Variants in PTPRD observed in about 807,000 individuals in gnomAD.
PTPRD encodes protein tyrosine phosphatase receptor type D.
In PTPRD, 34 loss-of-function variants were observed where a neutral mutation model predicts 214.5. The ratio of observed to expected loss-of-function variants is 0.16; its 90% CI spans 0.12 to 0.21. PTPRD has a LOEUF of 0.21. Among genes scored for constraint, PTPRD ranks in the 10% least tolerant of loss-of-function variants. The pLI is 1.00. For missense variants in PTPRD, 2,545 were observed against 2,398.7 expected, an observed-to-expected ratio of 1.06 and a Z score of -1.27; for synonymous variants, 1,128 against 845.7, an observed-to-expected ratio of 1.33 and a Z score of -5.79.
intron 11 of PTPRD, among the ~76,000 whole-genome samples, chr9:8,819,496 A>G (rs548777856): frequency 7.2e-5 from 11 of 152,124 alleles, no homozygotes; most frequent in Non-Finnish European, 1.5e-4. Context: ...ACCCGTCTCT[A>G]ATAAAAATAC....
intron 10 of PTPRD, among the ~76,000 whole-genome samples, chr9:9,066,018 T>C (rs1220490352): frequency 6.6e-6 from 1 of 152,198 alleles, no homozygotes; most frequent in African/African-American, 2.4e-5. Flanking sequence ...GCTGTTGTTA[T>C]ACATGTGATT....
intron 5 of PTPRD, among the ~76,000 whole-genome samples, chr9:9,840,761 C>CAAAAAAAAAAAAAAAAAAAAAAAAA (rs59780411): frequency 1.6e-5 from 1 of 61,622 alleles, no homozygotes; most frequent in Non-Finnish European, 2.6e-5. Flanking sequence ...GACTCCGTTT[C>CAAAAAAAAAAAAAAAAAAAAAAAAA]AAAAAAAAAA....
intron 7 of PTPRD, among the ~76,000 whole-genome samples, chr9:9,634,374 T>C (rs1467977302): frequency 6.6e-6 from 1 of 152,182 alleles, no homozygotes; most frequent in Non-Finnish European, 1.5e-5. Flanking sequence ...TCATTGTTAA[T>C]ATTAATTGCA....
intron 12 of PTPRD, among the ~76,000 whole-genome samples, chr9:8,697,404 T>A (rs1206848460): frequency 6.7e-6 from 1 of 150,140 alleles, no homozygotes; most frequent in East Asian, 1.9e-4. Flanking sequence ...TATTATTTAT[T>A]TATTTTTATG....
At chr9:9,984,611 C>A (rs2095647272) in intron 4 of PTPRD, among the ~76,000 whole-genome samples, 1 of 152,128 alleles carries the variant, frequency 6.6e-6, no homozygotes, top group Non-Finnish European at 1.5e-5. Flanking sequence ...TGATGTCAGG[C>A]AAGCTATAGC....
At chr9:10,244,315 A>G (rs2091692399) in intron 3 of PTPRD, among the ~76,000 whole-genome samples, 1 of 152,094 alleles carries the variant, frequency 6.6e-6, no homozygotes, top group Non-Finnish European at 1.5e-5. Context: ...CCAAAAGCAG[A>G]GATATTGATT....
intron 3 of PTPRD, among the ~76,000 whole-genome samples, chr9:10,321,714 A>G (rs1371390531): frequency 6.6e-6 from 1 of 152,062 alleles, no homozygotes; most frequent in Admixed American, 6.6e-5. Context: ...ATATTTATGT[A>G]GGTCACATTT....
intron 10 of PTPRD, among the ~76,000 whole-genome samples, chr9:9,064,134 T>C (rs1455875115): frequency 6.6e-6 from 1 of 152,178 alleles, no homozygotes; most frequent in Non-Finnish European, 1.5e-5. Context: ...ATAATTTATA[T>C]AACTGAGCTT....
intron 9 of PTPRD, among the ~76,000 whole-genome samples, chr9:9,287,160 G>C (rs375637211): frequency 1.3e-5 from 2 of 151,248 alleles, no homozygotes; most frequent in Admixed American, 1.3e-4. Context: ...TGGAGCAGAA[G>C]GTTGCATTGA....
chr9:9,678,208 G>A (rs2096977025), intron 7 of PTPRD, among the ~76,000 whole-genome samples: 2 of 151,988 alleles, frequency 1.3e-5, no homozygotes, highest in South Asian at 4.1e-4. Context: ...CACAGAATTG[G>A]AAACAACTAC....
intron 7 of PTPRD, among the ~76,000 whole-genome samples, chr9:9,684,043 C>G (rs1595141367): frequency 6.6e-6 from 1 of 151,546 alleles, no homozygotes; most frequent in African/African-American, 2.4e-5. Context: ...CTCTAGGGAA[C>G]TGTTTTCACA....
chr9:10,042,171 A>C (rs2097307263), intron 3 of PTPRD, among the ~76,000 whole-genome samples: 1 of 151,980 alleles, frequency 6.6e-6, no homozygotes, highest in Non-Finnish European at 1.5e-5. Flanking sequence ...AGGCATATAA[A>C]AGATAAGAGC....
At chr9:9,216,661 G>C (rs893530760) in intron 9 of PTPRD, among the ~76,000 whole-genome samples, 6 of 152,034 alleles carry the variant, frequency 3.9e-5, no homozygotes, top group African/African-American at 1.4e-4. Context: ...TTCAGCTTGG[G>C]TCTAGAAAGA....
At chr9:8,323,053 GC>G (rs1439515049) in intron 44 of PTPRD, among the ~76,000 whole-genome samples, 2 of 152,136 alleles carry the variant, frequency 1.3e-5, no homozygotes, top group Non-Finnish European at 2.9e-5. Flanking sequence ...ATCAAGACAG[GC>G]TGAAAGCTCG....
At chr9:9,484,936 A>G (rs2095566483) in intron 8 of PTPRD, among the ~76,000 whole-genome samples, 1 of 152,210 alleles carries the variant, frequency 6.6e-6, no homozygotes, top group Non-Finnish European at 1.5e-5. Flanking sequence ...TTGGAAATTG[A>G]AAGCAAAAAC....
chr9:10,418,538 T>G (rs192449112), intron 2 of PTPRD, among the ~76,000 whole-genome samples: 79 of 150,522 alleles, frequency 5.2e-4, no homozygotes, highest in African/African-American at 1.9e-3. Flanking sequence ...TCCATAGCAT[T>G]TATCACCATC....
At chr9:8,992,658 G>C (rs571014108) in intron 11 of PTPRD, among the ~76,000 whole-genome samples, 1 of 152,186 alleles carries the variant, frequency 6.6e-6, no homozygotes, top group South Asian at 2.1e-4. Flanking sequence ...AACAAACTGT[G>C]CTCAAAAATC....
intron 35 of PTPRD, among the ~76,000 whole-genome samples, chr9:8,425,204 T>C (rs1291976260): frequency 6.6e-6 from 1 of 152,194 alleles, no homozygotes; most frequent in Non-Finnish European, 1.5e-5. Context: ...GGCAGCCTTG[T>C]TCCAATCTCT....
At chr9:10,181,743 G>A (rs117486066) in intron 3 of PTPRD, among the ~76,000 whole-genome samples, 3 of 150,710 alleles carry the variant, frequency 2.0e-5, no homozygotes, top group African/African-American at 7.3e-5. Flanking sequence ...TTAGTAAATG[G>A]TGTTTGAAAA....
Sources: gnomAD v4.1 joint callset for allele counts (sites outside exome capture counted in the v4.1 genomes callset) on GRCh38, gnomAD v4.1.1 for gene constraint, MANE v1.5 for transcripts, NCBI Gene and HGNC (gene_info 2026-07-23, HGNC 2026-07-21) for gene names.